CTNND2: variants seen among roughly 807,000 people sequenced by gnomAD.
The protein encoded by CTNND2 is catenin delta-2.
A neutral mutation model predicts 144.4 loss-of-function variants in CTNND2; 22 were observed. The observed-to-expected ratio is 0.15, with a 90% CI of 0.11 to 0.22. CTNND2 has a LOEUF of 0.22. Among genes scored for constraint, CTNND2 ranks in the 10% least tolerant of loss-of-function variants. The pLI, the probability that CTNND2 is intolerant of heterozygous loss-of-function variation, is 1.00. For synonymous variants in CTNND2, 751 were observed against 695.6 expected, an observed-to-expected ratio of 1.08 and a Z score of -1.25; for missense variants, 1,353 against 1,618.8, an observed-to-expected ratio of 0.84 and a Z score of 2.82.
chr5:11,666,061 T>C (rs1258826115), intron 2 of CTNND2, among the ~76,000 whole-genome samples: 1 of 152,138 alleles, frequency 6.6e-6, no homozygotes, highest in Non-Finnish European at 1.5e-5. Flanking sequence ...GATGAATGTG[T>C]ACTACAGAAT....
intron 1 of CTNND2, among the ~76,000 whole-genome samples, chr5:11,802,182 G>A (rs1435627401): frequency 6.6e-6 from 1 of 151,914 alleles, no homozygotes; most frequent in Non-Finnish European, 1.5e-5. Flanking sequence ...TGAGGCAGGA[G>A]AATCGCTTGA....
chr5:11,636,800 C>T (rs970520600), intron 2 of CTNND2, among the ~76,000 whole-genome samples: 2 of 152,132 alleles, frequency 1.3e-5, no homozygotes, highest in African/African-American at 4.8e-5. Flanking sequence ...GACTTGCACA[C>T]TGGAGCTGAA....
intron 9 of CTNND2, among the ~76,000 whole-genome samples, chr5:11,240,398 C>CACACACACCCACA (rs1458558415): frequency 4.4e-5 from 6 of 135,380 alleles, no homozygotes; most frequent in African/African-American, 1.4e-4. Context: ...ACACACCCAA[C>CACACACACCCACA]ACACACACCC....
At chr5:11,399,018 G>A (rs1222365117) in intron 5 of CTNND2, among the ~76,000 whole-genome samples, 1 of 152,178 alleles carries the variant, frequency 6.6e-6, no homozygotes, top group Non-Finnish European at 1.5e-5. Context: ...GTGGGCACTG[G>A]GAAGACAGTG....
At chr5:11,794,057 T>C (rs1436186803) in intron 1 of CTNND2, among the ~76,000 whole-genome samples, 1 of 152,256 alleles carries the variant, frequency 6.6e-6, no homozygotes, top group Non-Finnish European at 1.5e-5. Context: ...GGGACACTGC[T>C]CGCCCACTGC....
chr5:11,271,687 G>T (rs1277911712), intron 9 of CTNND2, among the ~76,000 whole-genome samples: 1 of 152,154 alleles, frequency 6.6e-6, no homozygotes, highest in Admixed American at 6.5e-5. Context: ...ACGCTGCAAA[G>T]GATTATGTTG....
intron 8 of CTNND2, among the ~76,000 whole-genome samples, chr5:11,355,085 C>A (rs1755722527): frequency 6.6e-6 from 1 of 151,990 alleles, no homozygotes; most frequent in African/African-American, 2.4e-5. Context: ...CTATGGGACA[C>A]AACAAAAGCA....
At chr5:11,786,588 G>A (rs1002731555) in intron 1 of CTNND2, among the ~76,000 whole-genome samples, 5 of 152,196 alleles carry the variant, frequency 3.3e-5, no homozygotes, top group African/African-American at 1.2e-4. Flanking sequence ...ATGCTAGACA[G>A]AACAAAAATG....
At chr5:11,853,116 A>C (rs1350062192) in intron 1 of CTNND2, among the ~76,000 whole-genome samples, 1 of 152,066 alleles carries the variant, frequency 6.6e-6, no homozygotes, top group African/African-American at 2.4e-5. Flanking sequence ...CCAACTTCTC[A>C]CCAGGTCTCT....
intron 2 of CTNND2, among the ~76,000 whole-genome samples, chr5:11,715,689 G>C (rs1054648690): frequency 6.6e-6 from 1 of 152,174 alleles, no homozygotes; most frequent in African/African-American, 2.4e-5. Context: ...AATGTCTTAA[G>C]ATAGAAATGG....
intron 1 of CTNND2, among the ~76,000 whole-genome samples, chr5:11,822,575 G>A (rs1793373113): frequency 6.6e-6 from 1 of 151,942 alleles, no homozygotes; most frequent in Non-Finnish European, 1.5e-5. Flanking sequence ...CAACAACGTT[G>A]ATGGGATTAT....
Position 11,466,297 on chromosome 5 carries a change from G to A in CTNND2, c.288-54228C>T, listed in dbSNP as rs544238055. Among the ~76,000 whole-genome samples, 61 of 152,144 alleles carry A rather than the reference G, an allele frequency of 4.0e-4. 1 individual carries two copies. The highest frequency in any genetic ancestry group is 2.2e-4 in the Non-Finnish European group (15 of 68,034). On this transcript the variant is annotated intron_variant, in intron 3 of 21. Coordinates refer to ENST00000304623, the MANE Select transcript of CTNND2 (RefSeq NM_001332.4). ...AAACCATTTTTAAATACAAAAGACT[G>A]TTCCATTGTACAGTCATTCACCTAA...
chr5:11,521,323 C>T (rs915686748), intron 3 of CTNND2, among the ~76,000 whole-genome samples: 2 of 152,192 alleles, frequency 1.3e-5, no homozygotes, highest in African/African-American at 4.8e-5. Context: ...ACTGAGCCTT[C>T]TTTATTATTC....
intron 3 of CTNND2, among the ~76,000 whole-genome samples, chr5:11,558,939 T>C (rs2150097485): frequency 6.6e-6 from 1 of 152,234 alleles, no homozygotes; most frequent in South Asian, 2.1e-4. Context: ...GGTTCTACAC[T>C]AGCACCACTA....
At chr5:11,016,528 C>T (rs1236591537) in intron 18 of CTNND2, among the ~76,000 whole-genome samples, 2 of 152,216 alleles carry the variant, frequency 1.3e-5, no homozygotes, top group African/African-American at 4.8e-5. Context: ...TGTGGTCCCA[C>T]GTCCCTGGCC....
At chr5:11,118,810 C>A (rs536093771) in intron 12 of CTNND2, among the ~76,000 whole-genome samples, 24 of 152,182 alleles carry the variant, frequency 1.6e-4, no homozygotes, top group Non-Finnish European at 2.6e-4. Context: ...GTAATAAATT[C>A]TGTTTTACAG....
At chr5:11,140,944 ATTATTTTTATTT>A (rs904199093) in intron 12 of CTNND2, among the ~76,000 whole-genome samples, 3 of 152,072 alleles carry the variant, frequency 2.0e-5, no homozygotes, top group East Asian at 1.9e-4. Context: ...TGCTTTAAAA[ATTATTTTTATTT>A]TTATTTTTAT....
chr5:11,124,929 G>A (rs1041328709), intron 12 of CTNND2, among the ~76,000 whole-genome samples: 6 of 152,308 alleles, frequency 3.9e-5, no homozygotes, highest in Non-Finnish European at 7.4e-5. Flanking sequence ...AGCAGCCCCT[G>A]CTTGGAGCAG....
intron 1 of CTNND2, among the ~76,000 whole-genome samples, chr5:11,815,797 C>A (rs990619775): frequency 3.3e-5 from 5 of 152,160 alleles, no homozygotes; most frequent in African/African-American, 1.2e-4. Flanking sequence ...CCATCAGCCT[C>A]CCCCAAGACT....
Sources: gnomAD v4.1 joint callset for allele counts (sites outside exome capture counted in the v4.1 genomes callset) on GRCh38, gnomAD v4.1.1 for gene constraint, MANE v1.5 for transcripts, NCBI Gene and HGNC (gene_info 2026-07-23, HGNC 2026-07-21) for gene names.